Variants in GLB1 observed in about 807,000 individuals in gnomAD.
GLB1 encodes the protein galactosidase beta 1, also known as beta-galactosidase.
In GLB1, 56 loss-of-function variants were observed where a neutral mutation model predicts 74.0. The ratio of observed to expected loss-of-function variants is 0.76; its 90% CI spans 0.61 to 0.94. GLB1 has a LOEUF of 0.94. Ranked by LOEUF, GLB1 falls within the 40% of genes least tolerant of loss-of-function variation. The pLI, the probability that GLB1 is intolerant of heterozygous loss-of-function variation, is 0.00. For missense variants in GLB1, 787 were observed against 845.5 expected, an observed-to-expected ratio of 0.93 and a Z score of 0.86; for synonymous variants, 323 against 323.6, an observed-to-expected ratio of 1.00 and a Z score of 0.02.
At position 33,010,784 on chromosome 3, in the gene GLB1, A is replaced by C. The variant is rs960497465; in HGVS notation, c.1734+3272T>G. Among the ~76,000 whole-genome samples, 46 of 152,304 alleles carry C rather than the reference A, an allele frequency of 3.0e-4. 1 individual carries two copies. The highest frequency in any genetic ancestry group is 1.1e-3 in the African/African-American group (46 of 41,576). On this transcript the variant is annotated intron_variant, in intron 15 of 15. Transcript: ENST00000307363. ...AGTTTTATAGAGGAATTAAGTTACA[A>C]ATTAATAATTACAAGATATTTTTAC...
At chr3:33,084,111 C>T (rs1700421266) in intron 1 of GLB1, among the ~76,000 whole-genome samples, 1 of 152,162 alleles carries the variant, frequency 6.6e-6, no homozygotes, top group Non-Finnish European at 1.5e-5. Flanking sequence ...ACCCCTACAA[C>T]TCACCCCAGA....
the GLB1 span, among the ~76,000 whole-genome samples, chr3:32,967,544 A>T: frequency 3.3e-5 from 5 of 152,256 alleles, no homozygotes; most frequent in African/African-American, 1.2e-4. Flanking sequence ...CTCTACCCAC[A>T]AAATGCTTAA....
intron 10 of GLB1, among the ~76,000 whole-genome samples, chr3:33,036,393 T>C (rs1052516961): frequency 2.0e-5 from 3 of 152,228 alleles, no homozygotes; most frequent in African/African-American, 7.2e-5. Flanking sequence ...TGATATTTTA[T>C]GCAATAAAGC....
At chr3:33,091,418 A>AGGCAGCTG in intron 1 of GLB1, 1 of 985,522 alleles carries the variant, frequency 1.0e-6, no homozygotes, top group Non-Finnish European at 1.2e-6. Flanking sequence ...GCTTTGACAC[A>AGGCAGCTG]TCACCTGCCC....
intron 1 of GLB1, among the ~76,000 whole-genome samples, chr3:33,087,579 G>GCA (rs57935919): frequency 1.4e-3 from 194 of 141,890 alleles, no homozygotes; most frequent in African/African-American, 4.3e-3. Context: ...CAGCATGCGC[G>GCA]CACACACACA....
rs2125479040 is a variant in GLB1 at position 33,024,303 on chromosome 3, G to C, written c.1091C>G (p.Pro364Arg). ...AAACTTTGGTGTAGATGGAGGGATAGGACCTTCTGGTACTTTTTCAAACTA... is the reference window on the plus strand; with the variant it reads ...AAACTTTGGTGTAGATGGAGGGATACGACCTTCTGGTACTTTTTCAAACTA... ...IQKFEKVPEGPIPPSTPKFAY... is the reference protein window; with the variant it reads ...IQKFEKVPEGRIPPSTPKFAY... Residue 364 changes from proline (P) to arginine (R), a missense_variant, in exon 11 of 16, where the codon CCT becomes CGT. By Grantham distance (103) the Pro-to-Arg change is moderately radical. Transcript: ENST00000307363. 6.2e-7 allele frequency: 1 copy of C among 1,605,512 alleles called. No individual in the cohort carries two copies. The highest frequency in any genetic ancestry group is 2.2e-5 in the East Asian group (1 of 44,570).
At chr3:33,041,467 G>A (rs888505803) in intron 10 of GLB1, among the ~76,000 whole-genome samples, 7 of 152,090 alleles carry the variant, frequency 4.6e-5, no homozygotes, top group Non-Finnish European at 1.0e-4. Flanking sequence ...TTCAAGACCA[G>A]CCTGGTCAAC....
At chr3:33,025,081 GAC>G (rs1697681385) in intron 10 of GLB1, among the ~76,000 whole-genome samples, 1 of 152,098 alleles carries the variant, frequency 6.6e-6, no homozygotes, top group African/African-American at 2.4e-5. Flanking sequence ...GAGTAGCTGG[GAC>G]TACAAGCATG....
chr3:33,074,389 G>GAAAGAAA (rs1559412979), intron 1 of GLB1, among the ~76,000 whole-genome samples: 8 of 38,914 alleles, frequency 2.1e-4, no homozygotes, highest in Non-Finnish European at 3.8e-4. Context: ...AGGAAGGAAG[G>GAAAGAAA]AAGAAAGAAA....
At chr3:32,978,780 T>TTG in the GLB1 span, among the ~76,000 whole-genome samples, 5 of 144,634 alleles carry the variant, frequency 3.5e-5, no homozygotes, top group East Asian at 1.0e-3. Flanking sequence ...TTTTTTTTTT[T>TTG]GAGACAGAGT....
chr3:32,979,946 CAT>C, the GLB1 span, among the ~76,000 whole-genome samples: 2 of 150,982 alleles, frequency 1.3e-5, no homozygotes, highest in Non-Finnish European at 2.9e-5. Flanking sequence ...TTAATTGACA[CAT>C]AATAATTGTA....
rs183797213 is a variant in GLB1, at chr3:33,082,776, C to T, written c.76-10063G>A. 1.9e-3 allele frequency among the ~76,000 whole-genome samples: 291 copies of T among 152,300 alleles called. 3 individuals carry two copies. The highest frequency in any genetic ancestry group is 3.1e-4 in the Non-Finnish European group (21 of 68,024). On this transcript the variant is annotated intron_variant, in intron 1 of 15. Coordinates refer to ENST00000307363, the MANE Select transcript of GLB1 (RefSeq NM_000404.4). ...GTGTCCACTGCCCTGCTGTATCACA[C>T]GAGACCTGGACTGTCTGTGCATTCA...
intron 1 of GLB1, chr3:33,092,984 G>A (rs774227534): frequency 1.2e-6 from 2 of 1,614,126 alleles, no homozygotes; most frequent in African/African-American, 1.3e-5. Context: ...TCAGGAGATA[G>A]GCTGCTACGT....
the GLB1 span, among the ~76,000 whole-genome samples, chr3:32,982,638 T>C: frequency 6.6e-6 from 1 of 152,204 alleles, no homozygotes; most frequent in Non-Finnish European, 1.5e-5. Flanking sequence ...TTAAATCTTA[T>C]GAGGTCCAAT....
intron 15 of GLB1, among the ~76,000 whole-genome samples, chr3:33,006,401 A>C (rs948785019): frequency 3.3e-5 from 5 of 152,138 alleles, no homozygotes; most frequent in Admixed American, 6.5e-5. Flanking sequence ...GAACAGTTTC[A>C]TCCCAAAACC....
At chr3:33,085,702 A>C (rs139704856) in intron 1 of GLB1, among the ~76,000 whole-genome samples, 64 of 152,230 alleles carry the variant, frequency 4.2e-4, no homozygotes, top group Non-Finnish European at 7.4e-4. Flanking sequence ...TTAAAAAAAA[A>C]AACAAAACTA....
At chr3:33,016,126 C>T (rs1163379496) in intron 14 of GLB1, among the ~76,000 whole-genome samples, 1 of 152,160 alleles carries the variant, frequency 6.6e-6, no homozygotes, top group Non-Finnish European at 1.5e-5. Flanking sequence ...ACAGGCTAAC[C>T]ATCCAAACCC....
intron 2 of GLB1, among the ~76,000 whole-genome samples, chr3:33,070,056 G>A (rs1438655843): frequency 6.6e-6 from 1 of 151,510 alleles, no homozygotes; most frequent in East Asian, 2.0e-4. Flanking sequence ...AGAACATGTG[G>A]TATTTGGTTT....
chr3:33,018,487 G>T lies in GLB1; in HGVS notation c.1308C>A (p.Leu436=). 2 of 1,614,036 alleles carry T rather than the reference G, an allele frequency of 1.2e-6. No individual in the cohort carries two copies. The highest frequency in any genetic ancestry group is 1.1e-5 in the South Asian group (1 of 91,076). The change falls in exon 13 of 16, where the codon CTC becomes CTA. Residue 436 remains leucine (L), a synonymous_variant. Coordinates refer to ENST00000307363, the MANE Select transcript of GLB1 (RefSeq NM_000404.4). ...CATATGCTCGATCGTGGACTCCATT[G>T]AGGGGTGAAGAGAGAGGTGCTGGGT... ...CSNPAPLSSP[L]NGVHDRAYVA... is the part of the protein sequence containing the mutation.
Sources: allele counts gnomAD v4.1 joint callset (sites outside exome capture counted in the v4.1 genomes callset), GRCh38; gene constraint gnomAD v4.1.1; transcripts MANE v1.5; gene names NCBI Gene and HGNC (gene_info 2026-07-23, HGNC 2026-07-21).